ATP8A2: variants seen among roughly 807,000 people sequenced by gnomAD.
The protein encoded by ATP8A2 is ATPase phospholipid transporting 8A2, also known as phospholipid-transporting ATPase IB.
ATP8A2 carries 100 observed loss-of-function variants against 165.6 expected under a neutral mutation model. The ratio of observed to expected loss-of-function variants is 0.60; its 90% CI spans 0.51 to 0.71. The LOEUF is 0.71. Among genes scored for constraint, ATP8A2 ranks in the 30% least tolerant of loss-of-function variants. The pLI is 0.00. For synonymous variants in ATP8A2, 543 were observed against 548.8 expected (o/e 0.99, Z 0.15); for missense variants, 1,227 against 1,479.5 (o/e 0.83, Z 2.80).
intron 33 of ATP8A2, among the ~76,000 whole-genome samples, chr13:25,882,935 A>ATGGTGATGGTGATGG (rs1555284470): frequency 8.2e-5 from 12 of 145,746 alleles, no homozygotes; most frequent in African/African-American, 3.0e-4. Context: ...GATGATGATG[A>ATGGTGATGGTGATGG]TGATGGTGAT....
chr13:25,665,978 A>G (rs2042145328), intron 24 of ATP8A2, among the ~76,000 whole-genome samples: 1 of 150,768 alleles, frequency 6.6e-6, no homozygotes, highest in Non-Finnish European at 1.5e-5. Flanking sequence ...AACGTTAAGA[A>G]TGCTGTTTCT....
intron 19 of ATP8A2, among the ~76,000 whole-genome samples, chr13:25,576,030 C>T (rs2039608901): frequency 6.6e-6 from 1 of 152,158 alleles, no homozygotes; most frequent in African/African-American, 2.4e-5. Flanking sequence ...TTCATGGACT[C>T]ATCTCTTTCC....
At chr13:25,711,250 C>T (rs990937877) in intron 25 of ATP8A2, among the ~76,000 whole-genome samples, 1 of 152,146 alleles carries the variant, frequency 6.6e-6, no homozygotes, top group Non-Finnish European at 1.5e-5. Flanking sequence ...AGACACCAGC[C>T]CTCCTCGGCC....
At position 25,568,660 on chromosome 13, in the gene ATP8A2, G is replaced by A. The variant is rs531417834; in HGVS notation, c.1474-2107G>A. On this transcript the variant is annotated intron_variant, in intron 16 of 36. Coordinates refer to ENST00000381655, the MANE Select transcript of ATP8A2 (RefSeq NM_016529.6). ...TGGGTATAGAGTTTCTGCTGGGGAA[G>A]ATGAAGTTTTGTGTATAGATAGTGG... Among the ~76,000 whole-genome samples, 4 of 152,250 alleles carry A rather than the reference G, an allele frequency of 2.6e-5. No individual in the cohort carries two copies. In the East Asian group the frequency reaches 5.8e-4, roughly 22 times the overall value.
At chr13:25,697,053 G>A (rs537128647) in intron 24 of ATP8A2, among the ~76,000 whole-genome samples, 1 of 152,362 alleles carries the variant, frequency 6.6e-6, no homozygotes, top group South Asian at 2.1e-4. Flanking sequence ...AGCCGGTGCT[G>A]TTGGATAAAT....
intron 1 of ATP8A2, among the ~76,000 whole-genome samples, chr13:25,403,102 T>C (rs1439166694): frequency 6.6e-6 from 1 of 152,106 alleles, no homozygotes; most frequent in East Asian, 1.9e-4. Flanking sequence ...TACTGCTGCA[T>C]TGGGGATTAC....
rs1566153606 is a variant in ATP8A2, at chr13:25,465,738, TCCCTCCCTCCCTCTCTC to T, written c.77-3238_77-3222del. Reference sequence around the variant, plus strand: ...TTCTTTCTTTCTTTCTTTCTTTCTTTCCCTCCCTCCCTCTCTCTCTCTCTTTCTCTCTTTCTCTCTTT... The same window carrying T: ...TTCTTTCTTTCTTTCTTTCTTTCTTTTCTCTCTTTCTCTCTTTCTCTCTTT... On this transcript the variant is annotated intron_variant, in intron 1 of 36. Coordinates refer to ENST00000381655, the MANE Select transcript of ATP8A2 (RefSeq NM_016529.6). Among the ~76,000 whole-genome samples, 70 of 17,258 alleles carry T rather than the reference TCCCTCCCTCCCTCTCTC, an allele frequency of 4.1e-3. 1 individual carries two copies. Among genetic ancestry groups the T allele is most frequent in the Admixed American group, 8.5e-3 (9 of 1,058 alleles). 11.3% of individuals were successfully genotyped at this position (17,258 alleles called of 152,430 possible).
intron 1 of ATP8A2, among the ~76,000 whole-genome samples, chr13:25,452,826 C>G (rs192918372): frequency 6.6e-6 from 1 of 151,960 alleles, no homozygotes; most frequent in African/African-American, 2.4e-5. Context: ...CTGGGAGGAT[C>G]GCTCACATCT....
intron 33 of ATP8A2, among the ~76,000 whole-genome samples, chr13:25,888,068 A>ACCCCG (rs1953218648): frequency 9.5e-6 from 1 of 105,582 alleles, no homozygotes; most frequent in Non-Finnish European, 2.0e-5. Context: ...AAGAACCCAG[A>ACCCCG]CCCCCCCCCC....
intron 23 of ATP8A2, among the ~76,000 whole-genome samples, chr13:25,587,207 A>T (rs61948647): frequency 0.048 from 7,287 of 152,266 alleles, 186 homozygotes; most frequent in African/African-American, 0.053. Flanking sequence ...GACACAATAA[A>T]TAATTTGCTA....
chr13:25,697,703 G>A (rs2042864159), intron 24 of ATP8A2, among the ~76,000 whole-genome samples: 1 of 152,184 alleles, frequency 6.6e-6, no homozygotes, highest in Non-Finnish European at 1.5e-5. Flanking sequence ...TTGTTCATAA[G>A]AAAAGTGCTA....
chr13:25,407,221 G>A (rs115033869), intron 1 of ATP8A2, among the ~76,000 whole-genome samples: 1,805 of 152,316 alleles, frequency 0.012, 43 homozygotes, highest in African/African-American at 0.041. Context: ...AAGCCAAGGA[G>A]GAAAGCTGTG....
intron 1 of ATP8A2, among the ~76,000 whole-genome samples, chr13:25,431,983 G>A (rs751433016): frequency 3.3e-5 from 5 of 152,222 alleles, no homozygotes; most frequent in Middle Eastern, 6.8e-3. Context: ...AAATTGAGTC[G>A]TATGGTGTGT....
At chr13:25,453,327 C>G (rs983060342) in intron 1 of ATP8A2, among the ~76,000 whole-genome samples, 1 of 151,816 alleles carries the variant, frequency 6.6e-6, no homozygotes, top group South Asian at 2.1e-4. Context: ...GGTTTCCTTA[C>G]GTTGGCCAGA....
chr13:25,739,538 C>G (rs1316133239), intron 25 of ATP8A2, among the ~76,000 whole-genome samples: 1 of 151,490 alleles, frequency 6.6e-6, no homozygotes, highest in South Asian at 2.1e-4. Context: ...TTAGCCTGTT[C>G]TATTGCAAAA....
chr13:25,376,912 A>G (rs572190552), intron 1 of ATP8A2, among the ~76,000 whole-genome samples: 1 of 152,336 alleles, frequency 6.6e-6, no homozygotes, highest in South Asian at 2.1e-4. Flanking sequence ...CTGATTCTGG[A>G]CAGAGTGTTC....
intron 35 of ATP8A2, among the ~76,000 whole-genome samples, chr13:25,973,318 A>G (rs1024958779): frequency 5.9e-5 from 9 of 151,968 alleles, no homozygotes; most frequent in Admixed American, 2.0e-4. Context: ...GGTAATCTGG[A>G]CGGCCCATCA....
intron 25 of ATP8A2, among the ~76,000 whole-genome samples, chr13:25,745,378 T>C (rs1356057047): frequency 6.6e-6 from 1 of 152,184 alleles, no homozygotes; most frequent in East Asian, 1.9e-4. Context: ...TTGATGTCAA[T>C]GGGAAGTGGC....
intron 1 of ATP8A2, among the ~76,000 whole-genome samples, chr13:25,429,641 C>T (rs907898938): frequency 6.6e-6 from 1 of 152,180 alleles, no homozygotes; most frequent in Non-Finnish European, 1.5e-5. Flanking sequence ...GTTCCGCAGG[C>T]ACTTGGTACC....
Sources: allele counts gnomAD v4.1 joint callset (sites outside exome capture counted in the v4.1 genomes callset), GRCh38; gene constraint gnomAD v4.1.1; transcripts MANE v1.5; gene names NCBI Gene and HGNC (gene_info 2026-07-23, HGNC 2026-07-21).